Variants in GPR174 observed in about 807,000 individuals in gnomAD.
GPR174 encodes the protein G protein-coupled receptor 174.
Under a neutral mutation model 16.5 loss-of-function variants are expected in GPR174, and 8 were observed. The ratio of observed to expected loss-of-function variants is 0.48; its 90% CI spans 0.28 to 0.87. GPR174 has a LOEUF of 0.87. Among genes scored for constraint, GPR174 ranks in the 40% least tolerant of loss-of-function variants. The probability of loss-of-function intolerance (pLI) is 0.09; values close to 1 mark genes in which losing one functional copy is unlikely to be tolerated. For missense variants in GPR174, 214 were observed against 247.5 expected, an observed-to-expected ratio of 0.86 and a Z score of 0.91; for synonymous variants, 111 against 94.8, an observed-to-expected ratio of 1.17 and a Z score of -0.99.
Position 79,172,558 on chromosome X carries a change from G to C in GPR174, c.*549G>C, listed in dbSNP as rs1289158084. ...GTGTGATTACTCTTCAGAGTTTGAA[G>C]ATTAAAATAGCTATTTTCTTCATTT... is the stretch of plus-strand genomic sequence containing the variant. On this transcript the variant is annotated 3_prime_UTR_variant, in exon 3 of 3. Transcript: ENST00000645147. 8.9e-6 allele frequency: 1 copy of C among 112,355 alleles called. No individual in the cohort carries two copies. Among genetic ancestry groups the C allele is most frequent in the Non-Finnish European group, 1.9e-5 (1 of 53,390 alleles). 9.3% of individuals were successfully genotyped at this position (112,355 alleles called of 1,213,427 possible).
intron 1 of GPR174, among the ~76,000 whole-genome samples, chrX:79,153,524 G>A (rs1921027134): frequency 9.0e-6 from 1 of 111,311 alleles, no homozygotes; most frequent in African/African-American, 3.3e-5. Flanking sequence ...TCTATATGGG[G>A]TAGAGTAGAG....
chrX:79,172,041 T>C lies in GPR174; in HGVS notation c.*32T>C. 8.7e-7 allele frequency: 1 copy of C among 1,153,998 alleles called. No homozygotes were observed. The highest frequency in any genetic ancestry group is 2.0e-5 in the South Asian group (1 of 48,810). Reference sequence around the variant, plus strand: ...AAACCAAACTGAATGTGACCTGAAATGCAAGTACATCAGAACATATCTGCA... The same window carrying C: ...AAACCAAACTGAATGTGACCTGAAACGCAAGTACATCAGAACATATCTGCA... On this transcript the variant is annotated 3_prime_UTR_variant, in exon 3 of 3. Coordinates refer to ENST00000645147, the MANE Select transcript of GPR174 (RefSeq NM_032553.3).
intron 2 of GPR174, among the ~76,000 whole-genome samples, chrX:79,160,927 A>G (rs934628629): frequency 3.1e-4 from 34 of 111,460 alleles, no homozygotes; most frequent in Middle Eastern, 9.3e-3. Context: ...ATAAATTTCC[A>G]TTTAAGATTG....
intron 2 of GPR174, among the ~76,000 whole-genome samples, chrX:79,166,426 TTTTTTC>T (rs1388110233): frequency 4.0e-5 from 3 of 74,237 alleles, no homozygotes; most frequent in Admixed American, 3.8e-4. Context: ...TTTTCTTTTC[TTTTTTC>T]TTTTTTTTTT....
At chrX:79,159,110 T>C (rs1921172108) in intron 2 of GPR174, among the ~76,000 whole-genome samples, 2 of 111,692 alleles carry the variant, frequency 1.8e-5, no homozygotes, top group African/African-American at 6.5e-5. Context: ...CTGTTGGAGG[T>C]ATTAACAGAT....
At chrX:79,166,298 A>C (rs1163218727) in intron 2 of GPR174, among the ~76,000 whole-genome samples, 1 of 111,181 alleles carries the variant, frequency 9.0e-6, no homozygotes, top group African/African-American at 3.3e-5. Context: ...AACCATGTAT[A>C]GATAAACAAG....
chrX:79,159,209 G>C (rs1028794014), intron 2 of GPR174, among the ~76,000 whole-genome samples: 1 of 111,243 alleles, frequency 9.0e-6, no homozygotes, highest in African/African-American at 3.3e-5. Flanking sequence ...TTTATAAATA[G>C]ACATGAAAAT....
At chrX:79,163,663 A>G (rs143560832) in intron 2 of GPR174, among the ~76,000 whole-genome samples, 1,420 of 112,464 alleles carry the variant, frequency 0.013, 16 homozygotes, top group Middle Eastern at 0.051. Context: ...TATCCTATGA[A>G]ATAAGGAGTC....
At chrX:79,146,054 T>C (rs1926494454) in intron 1 of GPR174, among the ~76,000 whole-genome samples, 1 of 112,068 alleles carries the variant, frequency 8.9e-6, no homozygotes, top group Non-Finnish European at 1.9e-5. Flanking sequence ...GTGTTGTCTC[T>C]GTTTTGTGCT....
chrX:79,154,418 G>A (rs1280144097), intron 1 of GPR174, among the ~76,000 whole-genome samples: 1 of 111,395 alleles, frequency 9.0e-6, no homozygotes, highest in Non-Finnish European at 1.9e-5. Context: ...AGAAACACTC[G>A]CTATAAGGGA....
chrX:79,171,510 G>T lies in GPR174; in HGVS notation c.503G>T (p.Cys168Phe). Residue 168 changes from cysteine (C) to phenylalanine (F), a missense_variant, in exon 3 of 3, where the codon TGC becomes TTC. By Grantham distance (205) the Cys-to-Phe change is radical. Coordinates refer to ENST00000645147, the MANE Select transcript of GPR174 (RefSeq NM_032553.3). ...GATACCTCTGGCAATAGGACCAAAT[G>T]CTTTGTGGATCTTCCTACCAGGAAT... ...SDDTSGNRTK[C>F]FVDLPTRNVN... The T allele has an allele frequency of 1.7e-6, 2 of 1,211,502 alleles. No individual in the cohort carries two copies. The highest frequency in any genetic ancestry group is 2.2e-6 in the Non-Finnish European group (2 of 895,444).
In GPR174 at chrX:79,174,469, G is replaced by A. The variant is rs1921591553; in HGVS notation, c.*2460G>A. The A allele has an allele frequency of 9.2e-6, 1 of 108,583 alleles. No individual in the cohort carries two copies. The highest frequency in any genetic ancestry group is 1.9e-5 in the Non-Finnish European group (1 of 52,419). The allele number at this position is 108,583 out of a possible 1,213,427, so 8.9% of individuals were successfully genotyped here. ...TTAGGACTAGGCATTAAACCAAAGTGGTGACTTTCAATGGAGGGCTAATAC... is the reference window on the plus strand; with the variant it reads ...TTAGGACTAGGCATTAAACCAAAGTAGTGACTTTCAATGGAGGGCTAATAC... On this transcript the variant is annotated 3_prime_UTR_variant, in exon 3 of 3. Coordinates refer to ENST00000645147, the MANE Select transcript of GPR174 (RefSeq NM_032553.3).
intron 2 of GPR174, among the ~76,000 whole-genome samples, chrX:79,160,712 C>A (rs1921215043): frequency 9.0e-6 from 1 of 111,303 alleles, no homozygotes; most frequent in African/African-American, 3.3e-5. Flanking sequence ...GTAAATAGAG[C>A]AAGAAAATAG....
At position 79,171,373 on chromosome X, in the gene GPR174, C is replaced by T. The variant is rs146910126; in HGVS notation, c.366C>T (p.Tyr122=). The T allele has an allele frequency of 2.5e-6, 3 of 1,211,598 alleles. No individual in the cohort carries two copies. The highest frequency in any genetic ancestry group is 2.2e-6 in the Non-Finnish European group (2 of 895,453). ...ISVRRFWFLM[Y]PFRFHDCKQK... ...TGCGACGATTTTGGTTTCTCATGTA[C>T]CCCTTTCGCTTCCATGACTGCAAAC... is the stretch of plus-strand genomic sequence containing the variant. Residue 122 remains tyrosine (Y), a synonymous_variant, in exon 3 of 3, where the codon TAC becomes TAT. Coordinates refer to ENST00000645147, the MANE Select transcript of GPR174 (RefSeq NM_032553.3).
chrX:79,163,523 G>A (rs917499638), intron 2 of GPR174, among the ~76,000 whole-genome samples: 1 of 111,572 alleles, frequency 9.0e-6, no homozygotes, highest in Non-Finnish European at 1.9e-5. Flanking sequence ...TAGATGATTT[G>A]TAACTCAAAC....
chrX:79,156,557 T>G (rs1437574454), intron 1 of GPR174, among the ~76,000 whole-genome samples: 1 of 111,634 alleles, frequency 9.0e-6, no homozygotes, highest in Non-Finnish European at 1.9e-5. Flanking sequence ...GACCAGGGAG[T>G]GACACATGAA....
intron 2 of GPR174, among the ~76,000 whole-genome samples, chrX:79,169,473 T>A (rs1602344007): frequency 1.8e-5 from 2 of 111,991 alleles, no homozygotes; most frequent in South Asian, 7.4e-4. Flanking sequence ...GTAAAGTGAG[T>A]ATCATATCTT....
intron 1 of GPR174, among the ~76,000 whole-genome samples, chrX:79,149,306 C>T (rs1324504827): frequency 9.0e-6 from 1 of 111,702 alleles, no homozygotes; most frequent in South Asian, 3.8e-4. Context: ...TTTATTTTTA[C>T]CTTTTTTTCC....
intron 2 of GPR174, among the ~76,000 whole-genome samples, chrX:79,169,357 G>GT (rs1291406230): frequency 8.9e-6 from 1 of 111,828 alleles, no homozygotes; most frequent in African/African-American, 3.3e-5. Flanking sequence ...GTGCTTCACT[G>GT]TTTTTTATAA....
Sources: gnomAD v4.1 joint callset for allele counts (sites outside exome capture counted in the v4.1 genomes callset) on GRCh38, gnomAD v4.1.1 for gene constraint, MANE v1.5 for transcripts, NCBI Gene and HGNC (gene_info 2026-07-23, HGNC 2026-07-21) for gene names.